Variants in EPHA6 observed in about 807,000 individuals in gnomAD.
EPHA6 encodes EPH receptor A6.
Under a neutral mutation model 112.0 loss-of-function variants are expected in EPHA6, and 50 were observed. The ratio of observed to expected loss-of-function variants is 0.45; its 90% confidence interval spans 0.36 to 0.56. The LOEUF (loss-of-function observed/expected upper bound fraction) is 0.56. Ranked by LOEUF, EPHA6 falls within the 20% of genes least tolerant of loss-of-function variation. The probability of loss-of-function intolerance (pLI) is 0.00; values close to 1 mark genes in which losing one functional copy is unlikely to be tolerated. For synonymous variants in EPHA6, 529 were observed against 490.7 expected, an observed-to-expected ratio of 1.08 and a Z score of -1.03; for missense variants, 1,280 against 1,417.4, an observed-to-expected ratio of 0.90 and a Z score of 1.56.
intron 10 of EPHA6, among the ~76,000 whole-genome samples, chr3:97,518,421 A>G (rs1453363257): frequency 6.6e-6 from 1 of 151,452 alleles, no homozygotes; most frequent in Admixed American, 6.6e-5. Context: ...GCTGCAATAA[A>G]CATGGCGGTT....
At position 97,663,637 on chromosome 3, in the gene EPHA6, A is replaced by G. The variant is rs186286266; in HGVS notation, c.2784+25555A>G. ...GCTGAGAATGATGGTTTCCAGCTTC[A>G]TCCATGTCCCTACAAAGGACATGAA... On this transcript the variant is annotated intron_variant, in intron 14 of 17. Coordinates refer to ENST00000389672, the MANE Select transcript of EPHA6 (RefSeq NM_001080448.3). Among the ~76,000 whole-genome samples the G allele has an allele frequency of 9.2e-3, 1,405 of 152,156 alleles. 17 individuals are homozygous for G. Among genetic ancestry groups the G allele is most frequent in the African/African-American group, 0.032 (1,331 of 41,490 alleles).
chr3:97,562,703 G>A (rs1327047072), intron 11 of EPHA6, among the ~76,000 whole-genome samples: 2 of 152,188 alleles, frequency 1.3e-5, no homozygotes, highest in East Asian at 1.9e-4. Flanking sequence ...TCTTGTTGCT[G>A]TGGGTAAAAT....
intron 11 of EPHA6, among the ~76,000 whole-genome samples, chr3:97,551,462 A>T: frequency 1.3e-5 from 2 of 152,046 alleles, no homozygotes; most frequent in South Asian, 4.2e-4. Flanking sequence ...GACATCAGTG[A>T]TTTTTTTTCT....
rs561286989 is a variant in EPHA6 at position 96,868,364 on chromosome 3, A to G, written c.450+1475A>G. Among the ~76,000 whole-genome samples the G allele has an allele frequency of 3.3e-5, 5 of 152,032 alleles. No individual in the cohort carries two copies. The East Asian group carries it at 9.7e-4, about 29-fold the overall frequency. ...TGCTATTTATAGGTTAAAATAAGGA[A>G]CTATTCAGTAAGGATGAAGAACTTG... On this transcript the variant is annotated intron_variant, in intron 2 of 17. Transcript: ENST00000389672.
At chr3:97,101,268 C>T (rs75578284) in intron 3 of EPHA6, among the ~76,000 whole-genome samples, 1,890 of 152,084 alleles carry the variant, frequency 0.012, 46 homozygotes, top group African/African-American at 0.043. Flanking sequence ...ATTCTAACCA[C>T]TTCATTTTAC....
intron 5 of EPHA6, among the ~76,000 whole-genome samples, chr3:97,284,328 TC>T (rs1433002860): frequency 1.3e-5 from 2 of 152,184 alleles, no homozygotes; most frequent in Non-Finnish European, 2.9e-5. Context: ...TTATCTTTTT[TC>T]CTTTTTTATG....
chr3:97,294,177 A>G (rs913304616), intron 5 of EPHA6, among the ~76,000 whole-genome samples: 7 of 152,180 alleles, frequency 4.6e-5, no homozygotes, highest in African/African-American at 1.7e-4. Flanking sequence ...GTGGGAGCGC[A>G]GGGCTCCTGC....
intron 3 of EPHA6, among the ~76,000 whole-genome samples, chr3:97,088,757 A>G (rs1332953504): frequency 2.6e-5 from 4 of 152,086 alleles, no homozygotes; most frequent in East Asian, 3.9e-4. Flanking sequence ...GTCAGCCTCT[A>G]TGATTTCCTC....
chr3:97,321,730 T>G (rs1218126264), intron 5 of EPHA6, among the ~76,000 whole-genome samples: 2 of 151,770 alleles, frequency 1.3e-5, no homozygotes, highest in African/African-American at 2.4e-5. Context: ...ATAATTTAAG[T>G]GTAAATAGAC....
chr3:97,400,408 GT>G (rs2086926672), intron 5 of EPHA6, among the ~76,000 whole-genome samples: 1 of 151,242 alleles, frequency 6.6e-6, no homozygotes, highest in African/African-American at 2.4e-5. Flanking sequence ...CTTTTGTTTT[GT>G]TTTGTTTTTT....
At chr3:97,276,922 T>C (rs1180535523) in intron 5 of EPHA6, among the ~76,000 whole-genome samples, 2 of 152,034 alleles carry the variant, frequency 1.3e-5, no homozygotes, top group African/African-American at 4.8e-5. Flanking sequence ...GGGCTAGTCG[T>C]GGAACGAAAC....
At chr3:97,334,641 A>G (rs1031694488) in intron 5 of EPHA6, among the ~76,000 whole-genome samples, 1 of 151,866 alleles carries the variant, frequency 6.6e-6, no homozygotes, top group Non-Finnish European at 1.5e-5. Context: ...CACCATGCCC[A>G]GATAAAAGGG....
chr3:97,624,870 T>G (rs2093842849), intron 13 of EPHA6, among the ~76,000 whole-genome samples: 1 of 151,618 alleles, frequency 6.6e-6, no homozygotes. Context: ...ATAATCCTTT[T>G]TATTTCTGTA....
intron 3 of EPHA6, among the ~76,000 whole-genome samples, chr3:96,991,700 G>A (rs537854907): frequency 2.4e-4 from 37 of 152,252 alleles, no homozygotes; most frequent in African/African-American, 8.4e-4. Context: ...ATCACATTAG[G>A]ACATCATGTT....
chr3:97,142,946 A>G (rs2075950308), intron 3 of EPHA6, among the ~76,000 whole-genome samples: 1 of 151,798 alleles, frequency 6.6e-6, no homozygotes, highest in South Asian at 2.1e-4. Context: ...CACTGTCACC[A>G]CTCCTATTCA....
chr3:97,598,371 C>T (rs369320378), intron 12 of EPHA6, among the ~76,000 whole-genome samples: 3 of 148,942 alleles, frequency 2.0e-5, no homozygotes, highest in Non-Finnish European at 3.0e-5. Flanking sequence ...CCCACTAACT[C>T]GTCATCTAGC....
At chr3:97,592,558 A>T in intron 11 of EPHA6, 54 bp from the exon 12 acceptor site, 1 of 1,598,788 alleles carries the variant, frequency 6.3e-7, no homozygotes, top group Non-Finnish European at 8.5e-7. Context: ...GTAAATGATC[A>T]ATGCTTTTCC....
chr3:97,312,190 AT>A (rs1255634299), intron 5 of EPHA6, among the ~76,000 whole-genome samples: 2 of 151,456 alleles, frequency 1.3e-5, no homozygotes, highest in African/African-American at 2.4e-5. Context: ...AGATCCTTTT[AT>A]TTTTTCCCGT....
intron 5 of EPHA6, among the ~76,000 whole-genome samples, chr3:97,401,852 G>T (rs978452931): frequency 2.6e-5 from 4 of 151,422 alleles, no homozygotes; most frequent in Non-Finnish European, 5.9e-5. Flanking sequence ...CTTAGGTTTG[G>T]GTATGTTTTG....
Sources: allele counts gnomAD v4.1 joint callset (sites outside exome capture counted in the v4.1 genomes callset), GRCh38; gene constraint gnomAD v4.1.1; transcripts MANE v1.5; gene names NCBI Gene and HGNC (gene_info 2026-07-23, HGNC 2026-07-21).